The following TENM2 variants were observed in gnomAD, a reference collection of about 807,000 sequenced individuals.
TENM2 encodes teneurin-2.
In TENM2, 52 loss-of-function variants were observed where a neutral mutation model predicts 245.2. That is an observed-to-expected ratio of 0.21 (90% CI 0.17 to 0.27). TENM2 has a LOEUF of 0.27. Ranked by LOEUF, TENM2 falls within the 10% of genes least tolerant of loss-of-function variation. TENM2 has a pLI of 1.00. For synonymous variants in TENM2, 1,363 were observed against 1,438.9 expected, an observed-to-expected ratio of 0.95 and a Z score of 1.19; for missense variants, 3,046 against 3,666.8, an observed-to-expected ratio of 0.83 and a Z score of 4.37.
intron 12 of TENM2, among the ~76,000 whole-genome samples, chr5:168,143,996 T>A (rs1202158212): frequency 6.8e-6 from 1 of 147,248 alleles, no homozygotes; most frequent in Non-Finnish European, 1.5e-5. Flanking sequence ...ATTACAGGCA[T>A]GCACCACCAT....
At chr5:167,166,445 ACT>A in the TENM2 span, among the ~76,000 whole-genome samples, 1 of 152,062 alleles carries the variant, frequency 6.6e-6, no homozygotes, top group African/African-American at 2.4e-5. Context: ...TGGATGTGGG[ACT>A]CTCTGTCCTT....
intron 1 of TENM2, among the ~76,000 whole-genome samples, chr5:167,299,087 G>T (rs1184183920): frequency 6.6e-6 from 1 of 152,174 alleles, no homozygotes; most frequent in African/African-American, 2.4e-5. Flanking sequence ...GTATTGTCCA[G>T]TCCTTTTTAA....
intron 2 of TENM2, among the ~76,000 whole-genome samples, chr5:167,606,864 A>T (rs1777090479): frequency 6.6e-6 from 1 of 152,180 alleles, no homozygotes. Context: ...AAGTATTGTA[A>T]AAATATCATT....
chr5:167,211,507 A>G, the TENM2 span, among the ~76,000 whole-genome samples: 1 of 152,210 alleles, frequency 6.6e-6, no homozygotes, highest in African/African-American at 2.4e-5. Flanking sequence ...GTTTCCTTAG[A>G]AATATATTTA....
At chr5:167,612,488 A>C (rs189751481) in intron 2 of TENM2, among the ~76,000 whole-genome samples, 2 of 152,132 alleles carry the variant, frequency 1.3e-5, no homozygotes, top group Non-Finnish European at 2.9e-5. Context: ...CCATGGCTAC[A>C]TACCCAATCA....
At chr5:167,447,359 A>G (rs532574375) in intron 2 of TENM2, among the ~76,000 whole-genome samples, 1 of 152,380 alleles carries the variant, frequency 6.6e-6, no homozygotes, top group East Asian at 1.9e-4. Context: ...GTACTTGGTT[A>G]TTTAAATATG....
intron 4 of TENM2, among the ~76,000 whole-genome samples, chr5:167,984,863 C>T (rs1013622120): frequency 1.5e-4 from 23 of 152,122 alleles, no homozygotes; most frequent in Admixed American, 1.2e-3. Context: ...TTTCTCTCCA[C>T]GTTCCATGTC....
the TENM2 span, among the ~76,000 whole-genome samples, chr5:167,044,312 A>G: frequency 6.6e-6 from 1 of 152,200 alleles, no homozygotes; most frequent in Non-Finnish European, 1.5e-5. Flanking sequence ...TGATGGCTCC[A>G]GCATCTTGAC....
chr5:166,984,707 C>A, the TENM2 span, among the ~76,000 whole-genome samples: 3 of 152,014 alleles, frequency 2.0e-5, no homozygotes, highest in Non-Finnish European at 2.9e-5. Context: ...TAGCTATATT[C>A]GTGCATATGG....
At chr5:167,412,694 A>G (rs1561934432) in intron 2 of TENM2, among the ~76,000 whole-genome samples, 1 of 152,152 alleles carries the variant, frequency 6.6e-6, no homozygotes, top group Non-Finnish European at 1.5e-5. Flanking sequence ...AATGGTTTGA[A>G]AAAACAGTGG....
the TENM2 span, among the ~76,000 whole-genome samples, chr5:167,224,939 A>G: frequency 6.6e-6 from 1 of 151,808 alleles, no homozygotes; most frequent in African/African-American, 2.4e-5. Flanking sequence ...ATTTATTCCT[A>G]AGTATTTTAT....
At chr5:167,326,780 A>G (rs1757113916) in intron 1 of TENM2, among the ~76,000 whole-genome samples, 1 of 150,318 alleles carries the variant, frequency 6.7e-6, no homozygotes, top group Non-Finnish European at 1.5e-5. Flanking sequence ...AAAACCCCAA[A>G]GTTACACTCA....
At chr5:167,710,746 AAAGGTTTT>A (rs1758856677) in intron 2 of TENM2, among the ~76,000 whole-genome samples, 1 of 152,184 alleles carries the variant, frequency 6.6e-6, no homozygotes, top group African/African-American at 2.4e-5. Context: ...GAAACCACTG[AAAGGTTTT>A]AAGCAAAGGA....
the TENM2 span, among the ~76,000 whole-genome samples, chr5:167,263,541 A>T: frequency 3.9e-4 from 59 of 152,230 alleles, no homozygotes; most frequent in Middle Eastern, 0.014. Context: ...CTTGGATCTT[A>T]ATCTCCACTC....
At chr5:167,919,420 C>T (rs1777185503) in intron 3 of TENM2, among the ~76,000 whole-genome samples, 1 of 152,156 alleles carries the variant, frequency 6.6e-6, no homozygotes, top group Admixed American at 6.6e-5. Context: ...TAATGGAATG[C>T]TAGTGCCTAT....
chr5:167,839,811 T>C (rs771598029), intron 2 of TENM2, among the ~76,000 whole-genome samples: 24 of 152,224 alleles, frequency 1.6e-4, no homozygotes, highest in Admixed American at 3.9e-4. Context: ...ACCTATCTAA[T>C]TCACAAGCTT....
the TENM2 span, among the ~76,000 whole-genome samples, chr5:167,209,920 A>G: frequency 2.0e-5 from 3 of 152,326 alleles, no homozygotes; most frequent in African/African-American, 7.2e-5. Context: ...GCATTTAGTC[A>G]TATACAATTA....
At chr5:167,434,817 T>C (rs1006497888) in intron 2 of TENM2, among the ~76,000 whole-genome samples, 15 of 152,236 alleles carry the variant, frequency 9.9e-5, no homozygotes, top group African/African-American at 3.6e-4. Flanking sequence ...ACAGCATCTA[T>C]TCTCATGCAA....
chr5:167,476,006 G>A (rs183743923), intron 2 of TENM2, among the ~76,000 whole-genome samples: 81 of 152,124 alleles, frequency 5.3e-4, no homozygotes, highest in Admixed American at 2.6e-3. Context: ...ATTTTTTAAA[G>A]TATTTAAGTG....
Sources: allele counts gnomAD v4.1 joint callset (sites outside exome capture counted in the v4.1 genomes callset), GRCh38; gene constraint gnomAD v4.1.1; transcripts MANE v1.5; gene names NCBI Gene and HGNC (gene_info 2026-07-23, HGNC 2026-07-21).